Variants in CFAP47 observed in about 807,000 individuals in gnomAD.
CFAP47 encodes the protein cilia and flagella associated protein 47, also known as cilia- and flagella-associated protein 47.
A neutral mutation model predicts 148.1 loss-of-function variants in CFAP47; 29 were observed. That is an observed-to-expected ratio of 0.20 (90% CI 0.15 to 0.27). The LOEUF (loss-of-function observed/expected upper bound fraction) is 0.27, where lower values mean the gene tolerates loss of function less well. Ranked by LOEUF, CFAP47 falls within the 10% of genes least tolerant of loss-of-function variation. The pLI is 1.00. For missense variants in CFAP47, 1,872 were observed against 1,697.5 expected (o/e 1.10, Z -1.81); for synonymous variants, 664 against 577.3 (o/e 1.15, Z -2.15).
rs16987339 is a variant in CFAP47 at position 35,998,397 on chromosome X, G to A, written c.3177+1008G>A. On this transcript the variant is annotated intron_variant, in intron 19 of 63. Transcript: ENST00000378653. ...AACTTTCCTTGATTCTTCAAAGTAG[G>A]GCCCCCTCATTGTGACATTTATAAG... Among the ~76,000 whole-genome samples, 902 of 111,042 alleles carry A rather than the reference G, an allele frequency of 8.1e-3. 4 individuals are homozygous for A. The highest frequency in any genetic ancestry group is 0.028 in the African/African-American group (870 of 30,583).
At chrX:35,960,489 C>T (rs927320489) in intron 8 of CFAP47, among the ~76,000 whole-genome samples, 3 of 105,809 alleles carry the variant, frequency 2.8e-5, no homozygotes, top group South Asian at 8.4e-4. Flanking sequence ...ATATTAAATC[C>T]TGTGATCCAG....
In CFAP47 at chrX:36,350,101, C is replaced by G. The variant is rs1212693408; in HGVS notation, c.8667C>G (p.Leu2889=). 8.7e-7 allele frequency: 1 copy of G among 1,155,862 alleles called. No homozygotes were observed. Among genetic ancestry groups the G allele is most frequent in the African/African-American group, 1.8e-5 (1 of 55,243 alleles). ...ACTGGATATACCCTATTGTTGGACT[C>G]CCACAAGCACCACCTCCTAAATCTC... ...AIHWIYPIVG[L]PQAPPPKSPP... is the part of the protein sequence containing the mutation. Residue 2889 remains leucine, a synonymous_variant, in exon 59 of 64, where the codon CTC becomes CTG. Coordinates refer to ENST00000378653, the MANE Select transcript of CFAP47 (RefSeq NM_001304548.2).
In CFAP47 at chrX:36,089,894, GTTA is replaced by G. The variant is rs779994343; in HGVS notation, c.4916+4359_4916+4361del. 3.6e-5 allele frequency among the ~76,000 whole-genome samples: 4 copies of G among 111,914 alleles called. No individual in the cohort carries two copies. In the South Asian group the frequency reaches 1.5e-3, roughly 42 times the overall value. On this transcript the variant is annotated intron_variant, in intron 30 of 63. Coordinates refer to ENST00000378653, the MANE Select transcript of CFAP47 (RefSeq NM_001304548.2). ...ACGTGACATATAGTAGATTGTTATT[GTTA>G]TTGTTGTTAAATGAAATGAATTATG...
At chrX:35,945,959 G>A (rs767126702) in intron 3 of CFAP47, among the ~76,000 whole-genome samples, 3 of 95,743 alleles carry the variant, frequency 3.1e-5, no homozygotes, top group Non-Finnish European at 6.0e-5. Context: ...TGCAACCTCC[G>A]CCTCCCAGGC....
chrX:36,212,483 A>G (rs1451731290), intron 45 of CFAP47, among the ~76,000 whole-genome samples: 11 of 111,918 alleles, frequency 9.8e-5, no homozygotes, highest in Non-Finnish European at 1.7e-4. Flanking sequence ...CTGTAGATCA[A>G]TTTGAGGAGG....
intron 28 of CFAP47, among the ~76,000 whole-genome samples, 183 bp downstream of exon 28, chrX:36,072,154 G>A (rs1238721175): frequency 1.8e-5 from 2 of 111,967 alleles, no homozygotes; most frequent in Non-Finnish European, 3.8e-5. Context: ...CAATAGTAGA[G>A]ATTCTCTAAT....
chrX:36,341,327 G>T (rs1005311789), intron 57 of CFAP47, among the ~76,000 whole-genome samples: 5 of 111,120 alleles, frequency 4.5e-5, no homozygotes, highest in African/African-American at 1.6e-4. Flanking sequence ...GAGCCACCGC[G>T]CCTGGCCGGT....
chrX:36,117,049 TC>T (rs751163703), intron 33 of CFAP47, among the ~76,000 whole-genome samples: 1 of 112,082 alleles, frequency 8.9e-6, no homozygotes, highest in Admixed American at 9.5e-5. Context: ...CACAGTGACC[TC>T]CAGTTCCATC....
intron 57 of CFAP47, among the ~76,000 whole-genome samples, chrX:36,323,240 A>G (rs956458217): frequency 9.9e-5 from 11 of 111,134 alleles, no homozygotes; most frequent in African/African-American, 3.2e-4. Flanking sequence ...AGCTACAAAA[A>G]TAGAATTAAA....
chrX:36,286,638 T>C (rs1941135897), intron 51 of CFAP47, among the ~76,000 whole-genome samples: 1 of 111,374 alleles, frequency 9.0e-6, no homozygotes, highest in Non-Finnish European at 1.9e-5. Context: ...GTCTTATTTC[T>C]GTGAATTGGT....
chrX:36,119,372 G>C (rs1244531906), intron 33 of CFAP47, among the ~76,000 whole-genome samples: 1 of 111,548 alleles, frequency 9.0e-6, no homozygotes, highest in Non-Finnish European at 1.9e-5. Flanking sequence ...TTGTTGATTT[G>C]CATATGTTGA....
At position 35,924,460 on chromosome X, in the gene CFAP47, GGTGCACCTATATGTGTATATAT is replaced by G. The variant is rs1407296381; in HGVS notation, c.250-1535_250-1514del. Among the ~76,000 whole-genome samples the G allele has an allele frequency of 4.0e-4, 40 of 100,889 alleles. No individual in the cohort carries two copies. The East Asian group carries it at 5.8e-3, about 15-fold the overall frequency. The allele number at this position is 100,889 out of a possible 115,157, so 87.6% of individuals were successfully genotyped here. A position where few individuals can be genotyped will look rare whatever the true frequency, so the allele number is the denominator to read the frequency against. On this transcript the variant is annotated intron_variant, in intron 1 of 63. Transcript: ENST00000378653. ...ATATGTACACCTATATGTGTATATA[GGTGCACCTATATGTGTATATAT>G]GTGCACCTATATGTGTATATAGGTG...
chrX:36,261,320 CTTTT>C (rs143068749), intron 49 of CFAP47, among the ~76,000 whole-genome samples: 5 of 20,450 alleles, frequency 2.4e-4, no homozygotes, highest in East Asian at 1.3e-3. Flanking sequence ...AGATACTATT[CTTTT>C]TTTTTTTTTT....
At chrX:36,109,224 A>G (rs1938513969) in intron 33 of CFAP47, among the ~76,000 whole-genome samples, 1 of 111,642 alleles carries the variant, frequency 9.0e-6, no homozygotes, top group Non-Finnish European at 1.9e-5. Flanking sequence ...ATTGCATGTC[A>G]TTGCTATTGT....
At chrX:36,257,248 T>C (rs1366367854) in intron 49 of CFAP47, among the ~76,000 whole-genome samples, 1 of 111,189 alleles carries the variant, frequency 9.0e-6, no homozygotes, top group African/African-American at 3.3e-5. Context: ...GCCCGCAGGA[T>C]TGATGAAAGG....
chrX:36,384,113 G>T (rs1187598372), intron 63 of CFAP47, among the ~76,000 whole-genome samples: 1 of 110,906 alleles, frequency 9.0e-6, no homozygotes, highest in East Asian at 2.9e-4. Flanking sequence ...GGCCAAGGAG[G>T]GTGGATGATC....
At chrX:35,978,558 T>A (rs1389658386) in intron 15 of CFAP47, among the ~76,000 whole-genome samples, 2 of 111,913 alleles carry the variant, frequency 1.8e-5, no homozygotes, top group African/African-American at 6.5e-5. Flanking sequence ...CAAGTAAAAT[T>A]TTTGTGTAGG....
chrX:35,975,925 T>C lies in CFAP47; in HGVS notation c.2713+12T>C. 1 of 1,204,599 alleles carries C rather than the reference T, an allele frequency of 8.3e-7. No individual in the cohort carries two copies. The highest frequency in any genetic ancestry group is 1.1e-6 in the Non-Finnish European group (1 of 889,408). ...TTGTCCAGCTAAAGGTAACAGTTTA[T>C]TGTTTGTTTGATTTAGACATTTATT... On this transcript the variant is annotated intron_variant, in intron 15 of 63. Transcript: ENST00000378653.
At position 36,032,055 on chromosome X, in the gene CFAP47, A is replaced by G. The variant is rs139102034; in HGVS notation, c.3651+708A>G. Among the ~76,000 whole-genome samples the G allele has an allele frequency of 5.3e-3, 587 of 111,417 alleles. 5 individuals carry two copies. The highest frequency in any genetic ancestry group is 0.018 in the African/African-American group (562 of 30,851). ...AAGGATCTACTGAAATTAAAATGTG[A>G]CTGTTTAGAGTATCAAAAGTCAAGA... On this transcript the variant is annotated intron_variant, in intron 23 of 63. Transcript: ENST00000378653.
Sources: allele counts gnomAD v4.1 joint callset (sites outside exome capture counted in the v4.1 genomes callset), GRCh38; gene constraint gnomAD v4.1.1; transcripts MANE v1.5; gene names NCBI Gene and HGNC (gene_info 2026-07-23, HGNC 2026-07-21).